Variants in DTWD2 observed in about 807,000 individuals in gnomAD.
The protein encoded by DTWD2 is DTW motif tRNA-uridine aminocarboxypropyltransferase 2.
DTWD2 carries 39 observed loss-of-function variants against 31.8 expected under a neutral mutation model. The ratio of observed to expected loss-of-function variants is 1.22; its 90% CI spans 0.95 to 1.60. The LOEUF (loss-of-function observed/expected upper bound fraction) is 1.60. Among genes scored for constraint, DTWD2 ranks in the 40% most tolerant of loss-of-function variants. The pLI is 0.00. For missense variants in DTWD2, 515 were observed against 381.5 expected (o/e 1.35, Z -2.92); for synonymous variants, 180 against 142.8 (o/e 1.26, Z -1.86).
chr5:118,881,821 T>A (rs529491819), intron 4 of DTWD2, among the ~76,000 whole-genome samples: 1 of 152,252 alleles, frequency 6.6e-6, no homozygotes, highest in South Asian at 2.1e-4. Context: ...CATTATTCGA[T>A]CACTTCCCAA....
intron 4 of DTWD2, among the ~76,000 whole-genome samples, chr5:118,886,051 T>C (rs1029565241): frequency 2.6e-5 from 4 of 152,224 alleles, no homozygotes; most frequent in Non-Finnish European, 4.4e-5. Flanking sequence ...AACTACCTAA[T>C]AAGCCAGACC....
At chr5:118,887,576 G>T (rs929468416) in intron 4 of DTWD2, among the ~76,000 whole-genome samples, 3 of 152,174 alleles carry the variant, frequency 2.0e-5, no homozygotes, top group Non-Finnish European at 4.4e-5. Flanking sequence ...GCATGGGTCT[G>T]AAGGGGAATG....
At chr5:118,974,017 T>C (rs1561478320) in intron 1 of DTWD2, 34 of 1,601,712 alleles carry the variant, frequency 2.1e-5, no homozygotes, top group Non-Finnish European at 2.6e-5. Flanking sequence ...AGGAAGAGGA[T>C]GGAGATGAAG....
rs533500012 is a variant in DTWD2, at chr5:118,950,834, T to C, written c.219-6185A>G. ...CTGCTTGGCTGCCTCTTTTTAATTATTGTACACCTTGAAGGCAAGGTTAAT... is the reference window on the plus strand; with the variant it reads ...CTGCTTGGCTGCCTCTTTTTAATTACTGTACACCTTGAAGGCAAGGTTAAT... On this transcript the variant is annotated intron_variant, in intron 1 of 5. Transcript: ENST00000510708. 4.6e-5 allele frequency among the ~76,000 whole-genome samples: 7 copies of C among 152,338 alleles called. No homozygotes were observed. In the South Asian group the frequency reaches 6.2e-4, roughly 14 times the overall value.
chr5:118,929,834 A>G (rs1004934812), intron 3 of DTWD2, among the ~76,000 whole-genome samples: 5 of 152,184 alleles, frequency 3.3e-5, no homozygotes, highest in African/African-American at 1.2e-4. Context: ...TCTAGGAAAT[A>G]ATAACTGAAA....
At chr5:118,844,898 C>A (rs200490272) in intron 5 of DTWD2, among the ~76,000 whole-genome samples, 2 of 152,062 alleles carry the variant, frequency 1.3e-5, no homozygotes, top group Admixed American at 1.3e-4. Flanking sequence ...TTTTGGCAGG[C>A]GAAGGCAGGT....
chr5:118,881,265 T>C (rs1026914482), intron 4 of DTWD2, among the ~76,000 whole-genome samples: 16 of 152,174 alleles, frequency 1.1e-4, no homozygotes, highest in Non-Finnish European at 1.5e-4. Context: ...ACTGATACCT[T>C]TGCTTTCTGT....
chr5:118,913,297 G>A (rs148114047), intron 4 of DTWD2, among the ~76,000 whole-genome samples: 41 of 151,576 alleles, frequency 2.7e-4, no homozygotes, highest in Non-Finnish European at 5.3e-4. Context: ...CCAGCAGATC[G>A]CCTTTGGACT....
chr5:118,897,821 AGGTACCACTGCATAT>A (rs1231874120), intron 4 of DTWD2, among the ~76,000 whole-genome samples: 2 of 152,238 alleles, frequency 1.3e-5, no homozygotes, highest in African/African-American at 4.8e-5. Flanking sequence ...TTTTTGAAAC[AGGTACCACTGCATAT>A]GACCTCCAGA....
intron 1 of DTWD2, 127 bp downstream of exon 1, chr5:118,988,167 T>C (rs1194307697): frequency 2.5e-6 from 3 of 1,184,818 alleles, no homozygotes; most frequent in Non-Finnish European, 3.6e-6. Context: ...ATTTCCAACG[T>C]GCACCCGCCA....
At chr5:118,853,362 T>TTC (rs1390984634) in intron 4 of DTWD2, among the ~76,000 whole-genome samples, 1 of 152,052 alleles carries the variant, frequency 6.6e-6, no homozygotes, top group East Asian at 1.9e-4. Flanking sequence ...GAAATGAAAA[T>TTC]AGAACCACCA....
At chr5:118,884,179 T>TC (rs1162186409) in intron 4 of DTWD2, among the ~76,000 whole-genome samples, 2 of 152,174 alleles carry the variant, frequency 1.3e-5, no homozygotes, top group African/African-American at 4.8e-5. Flanking sequence ...AATGTATACT[T>TC]CTCACTTCAC....
chr5:118,947,654 G>A (rs1306329599), intron 1 of DTWD2, among the ~76,000 whole-genome samples: 1 of 152,162 alleles, frequency 6.6e-6, no homozygotes, highest in Non-Finnish European at 1.5e-5. Context: ...ATTCGAGCGG[G>A]AAAACAGGAA....
intron 4 of DTWD2, among the ~76,000 whole-genome samples, chr5:118,926,988 C>A (rs1420074794): frequency 1.3e-5 from 2 of 152,210 alleles, no homozygotes; most frequent in Admixed American, 6.5e-5. Flanking sequence ...CCTGCATGGT[C>A]ACGGTCCTGG....
At chr5:118,882,683 T>C (rs1376305981) in intron 4 of DTWD2, among the ~76,000 whole-genome samples, 1 of 152,250 alleles carries the variant, frequency 6.6e-6, no homozygotes, top group Non-Finnish European at 1.5e-5. Context: ...AGCTTGGGGC[T>C]TGCACCCTCT....
At chr5:118,868,941 T>C (rs1342711368) in intron 4 of DTWD2, among the ~76,000 whole-genome samples, 1 of 151,588 alleles carries the variant, frequency 6.6e-6, no homozygotes, top group African/African-American at 2.4e-5. Context: ...CAAAATAAGC[T>C]AGTCACAAAA....
chr5:118,919,265 C>T (rs1753648495), intron 4 of DTWD2, among the ~76,000 whole-genome samples: 1 of 152,198 alleles, frequency 6.6e-6, no homozygotes, highest in South Asian at 2.1e-4. Context: ...AAATGCAGAG[C>T]TTACATAGGA....
At chr5:118,912,337 T>A (rs1561452519) in intron 4 of DTWD2, among the ~76,000 whole-genome samples, 2 of 152,078 alleles carry the variant, frequency 1.3e-5, no homozygotes, top group Admixed American at 1.3e-4. Context: ...GAACTGTACA[T>A]AAGATAGAAA....
At chr5:118,976,483 C>A (rs1755163034) in intron 1 of DTWD2, among the ~76,000 whole-genome samples, 1 of 152,048 alleles carries the variant, frequency 6.6e-6, no homozygotes, top group African/African-American at 2.4e-5. Context: ...ATCAAATAGA[C>A]ACAGTAAAAG....
Sources: allele counts gnomAD v4.1 joint callset (sites outside exome capture counted in the v4.1 genomes callset), GRCh38; gene constraint gnomAD v4.1.1; transcripts MANE v1.5; gene names NCBI Gene and HGNC (gene_info 2026-07-23, HGNC 2026-07-21).